COL11A1: variants seen among roughly 807,000 people sequenced by gnomAD.
The protein encoded by COL11A1 is collagen alpha-1(XI) chain.
In COL11A1, 74 loss-of-function variants were observed where a neutral mutation model predicts 265.2. That is an observed-to-expected ratio of 0.28 (90% CI 0.23 to 0.34). COL11A1 has a LOEUF of 0.34. Among genes scored for constraint, COL11A1 ranks in the 10% least tolerant of loss-of-function variants. The probability of loss-of-function intolerance (pLI) is 1.00; values close to 1 mark genes in which losing one functional copy is unlikely to be tolerated. For missense variants in COL11A1, 2,165 were observed against 2,263.6 expected, an observed-to-expected ratio of 0.96 and a Z score of 0.88; for synonymous variants, 816 against 727.6, an observed-to-expected ratio of 1.12 and a Z score of -1.96.
At chr1:103,064,894 A>G (rs1254929360) in intron 4 of COL11A1, among the ~76,000 whole-genome samples, 3 of 151,886 alleles carry the variant, frequency 2.0e-5, no homozygotes, top group East Asian at 3.9e-4. Context: ...ATGAATAGGT[A>G]GAGAAAGGAA....
chr1:103,107,934 CAATCTGGATTGTATTTAAGGG>C (rs1349309246), intron 1 of COL11A1, 118 bp downstream of exon 1: 1 of 714,636 alleles, frequency 1.4e-6, no homozygotes, highest in African/African-American at 1.8e-5. Context: ...GTAGCAGCTA[CAATCTGGATTGTATTTAAGGG>C]AATTGCTTTT....
intron 46 of COL11A1, among the ~76,000 whole-genome samples, chr1:102,927,241 T>A (rs1419859358): frequency 6.6e-6 from 1 of 152,142 alleles, no homozygotes; most frequent in Non-Finnish European, 1.5e-5. Context: ...AATTTACCAT[T>A]TCTAATACAA....
At chr1:102,955,103 GGGT>G (rs1376594046) in intron 41 of COL11A1, among the ~76,000 whole-genome samples, 2 of 152,076 alleles carry the variant, frequency 1.3e-5, no homozygotes, top group Non-Finnish European at 2.9e-5. Flanking sequence ...AGGTCTACCT[GGGT>G]CACAATGGAG....
intron 11 of COL11A1, 105 bp downstream of exon 11, chr1:103,017,715 C>A: frequency 1.0e-6 from 1 of 968,968 alleles, no homozygotes; most frequent in South Asian, 1.3e-5. Flanking sequence ...GCCTTTACCC[C>A]TCCCACACGC....
intron 46 of COL11A1, among the ~76,000 whole-genome samples, chr1:102,930,585 A>G (rs1276470387): frequency 6.6e-6 from 1 of 152,198 alleles, no homozygotes; most frequent in Non-Finnish European, 1.5e-5. Flanking sequence ...CGGCTTTAGT[A>G]TCAGAATGAT....
rs1664585544 is a variant in COL11A1 at position 102,995,985 on chromosome 1, T to G, written c.2295+4A>C. The G allele has an allele frequency of 1.2e-6, 2 of 1,613,362 alleles. No homozygotes were observed. The highest frequency in any genetic ancestry group is 8.5e-7 in the Non-Finnish European group (1 of 1,179,584). The stretch of plus-strand genomic sequence containing the variant: ...TAAATAATGTGAAAACAATTTAACG[T>G]TACCTTTACTCCCCGGGGGCCCGGG... On this transcript the variant is annotated splice_donor_region_variant and intron_variant, in intron 27 of 66. Coordinates refer to ENST00000370096, the MANE Select transcript of COL11A1 (RefSeq NM_001854.4).
intron 1 of COL11A1, among the ~76,000 whole-genome samples, chr1:103,101,489 T>G (rs2102418106): frequency 6.6e-6 from 1 of 152,086 alleles, no homozygotes. Context: ...GCTACTGCTC[T>G]TTCTGGCAGT....
At chr1:103,019,272 A>T (rs910439495) in intron 9 of COL11A1, among the ~76,000 whole-genome samples, 17 of 152,162 alleles carry the variant, frequency 1.1e-4, no homozygotes, top group Admixed American at 1.0e-3. Context: ...AATGGAAAAT[A>T]AGCACTTTAA....
intron 4 of COL11A1, among the ~76,000 whole-genome samples, chr1:103,053,333 A>C (rs895768734): frequency 3.3e-5 from 5 of 152,180 alleles, no homozygotes; most frequent in African/African-American, 1.2e-4. Flanking sequence ...AAGTCCCAAA[A>C]TATGGGACTT....
chr1:102,943,076 C>G (rs1658898354), intron 42 of COL11A1, among the ~76,000 whole-genome samples: 1 of 151,822 alleles, frequency 6.6e-6, no homozygotes, highest in African/African-American at 2.4e-5. Flanking sequence ...TCCTTAACTC[C>G]TTAACTTTTC....
At chr1:103,040,101 A>G (rs1668686048) in intron 4 of COL11A1, among the ~76,000 whole-genome samples, 1 of 152,088 alleles carries the variant, frequency 6.6e-6, no homozygotes, top group Admixed American at 6.6e-5. Context: ...TATTTTTAAA[A>G]TACATTTTAT....
At chr1:103,053,046 C>A (rs1043140565) in intron 4 of COL11A1, among the ~76,000 whole-genome samples, 2 of 152,092 alleles carry the variant, frequency 1.3e-5, no homozygotes, top group Non-Finnish European at 2.9e-5. Flanking sequence ...AATACAGAGA[C>A]AATATTTGTA....
Position 103,002,467 on chromosome 1 carries a change from C to A in COL11A1, c.2058G>T (p.Glu686Asp), listed in dbSNP as rs369536049. 7.5e-6 allele frequency: 12 copies of A among 1,609,664 alleles called. No individual in the cohort carries two copies. The highest frequency in any genetic ancestry group is 1.3e-5 in the African/African-American group (1 of 74,842). The change falls in exon 23 of 67, where the codon GAG (glutamate) becomes GAT (aspartate). Residue 686 changes from glutamate (E) to aspartate (D), a missense_variant. Transcript: ENST00000370096. ...TCCCTTGTTGACCTGGAGGCCCAGG[C>A]TCCCCTTGGGGACCCTGCCAGAGGA... ...GPKGNMGPQG[E>D]PGPPGQQGNP...
chr1:102,943,436 TACACACACACACACATAC>T (rs1427902195), intron 42 of COL11A1, among the ~76,000 whole-genome samples: 15 of 135,522 alleles, frequency 1.1e-4, no homozygotes, highest in Admixed American at 3.0e-4. Context: ...CCTCTGGAGA[TACACACACACACACATAC>T]ACACACACAC....
intron 42 of COL11A1, 36 bp downstream of exon 42, chr1:102,946,813 A>C: frequency 4.8e-6 from 7 of 1,446,912 alleles, no homozygotes; most frequent in Non-Finnish European, 6.8e-6. Flanking sequence ...TGTACAGGGT[A>C]GCAGCATAAT....
At chr1:102,898,821 T>C (rs759391232) in intron 55 of COL11A1, 48 bp from the exon 56 acceptor site, 1 of 1,536,176 alleles carries the variant, frequency 6.5e-7, no homozygotes, top group South Asian at 1.1e-5. Context: ...AGAAAATACT[T>C]TTATTATTTT....
chr1:103,029,181 G>A (rs376360358), intron 5 of COL11A1, among the ~76,000 whole-genome samples: 4 of 151,842 alleles, frequency 2.6e-5, no homozygotes, highest in East Asian at 1.9e-4. Context: ...AAAGCATATC[G>A]GTTGACTTAT....
intron 8 of COL11A1, 112 bp downstream of exon 8, chr1:103,022,630 A>G: frequency 1.6e-6 from 2 of 1,280,502 alleles, no homozygotes; most frequent in Non-Finnish European, 2.2e-6. Context: ...TTCATAATTT[A>G]CATAAAAATT....
intron 1 of COL11A1, among the ~76,000 whole-genome samples, chr1:103,089,075 T>C (rs1369608498): frequency 6.6e-6 from 1 of 152,232 alleles, no homozygotes; most frequent in African/African-American, 2.4e-5. Context: ...CTTCCTCAAT[T>C]GGTTAAGGAC....
Sources: allele counts gnomAD v4.1 joint callset (sites outside exome capture counted in the v4.1 genomes callset), GRCh38; gene constraint gnomAD v4.1.1; transcripts MANE v1.5; gene names NCBI Gene and HGNC (gene_info 2026-07-23, HGNC 2026-07-21).